Variants in PLCD4 observed in about 807,000 individuals in gnomAD.
The protein encoded by PLCD4 is 1-phosphatidylinositol 4,5-bisphosphate phosphodiesterase delta-4.
PLCD4 carries 63 observed loss-of-function variants against 90.2 expected under a neutral mutation model. That is an observed-to-expected ratio of 0.70 (90% CI 0.57 to 0.86). The LOEUF is 0.86. Among genes scored for constraint, PLCD4 ranks in the 40% least tolerant of loss-of-function variants. The pLI is 0.00. For synonymous variants in PLCD4, 294 were observed against 356.5 expected, an observed-to-expected ratio of 0.82 and a Z score of 1.97; for missense variants, 830 against 956.3, an observed-to-expected ratio of 0.87 and a Z score of 1.74.
chr2:218,619,207 C>T (rs541923235), intron 4 of PLCD4, among the ~76,000 whole-genome samples: 2 of 152,028 alleles, frequency 1.3e-5, no homozygotes, highest in East Asian at 1.9e-4. Flanking sequence ...TTCATTTATT[C>T]ATTCATTCAT....
At chr2:218,610,305 G>C (rs904758943) in intron 1 of PLCD4, among the ~76,000 whole-genome samples, 1 of 151,822 alleles carries the variant, frequency 6.6e-6, no homozygotes, top group Non-Finnish European at 1.5e-5. Context: ...TCAGGAGTTT[G>C]AGACCAGCCT....
intron 9 of PLCD4, 101 bp downstream of exon 9, chr2:218,630,903 C>G: frequency 1.6e-6 from 2 of 1,283,342 alleles, no homozygotes; most frequent in Non-Finnish European, 2.1e-6. Context: ...TCTTTCTATC[C>G]TCGGATGGAC....
chr2:218,627,664 C>G (rs923777215), intron 6 of PLCD4, among the ~76,000 whole-genome samples: 1 of 151,968 alleles, frequency 6.6e-6, no homozygotes. Flanking sequence ...AGGCGCCCAC[C>G]ACCGTGCCCG....
chr2:218,615,915 G>A lies in PLCD4; in HGVS notation c.34G>A (p.Asp12Asn), dbSNP rs1298030267. 2 of 1,614,048 alleles carry A rather than the reference G, an allele frequency of 1.2e-6. No individual in the cohort carries two copies. The highest frequency in any genetic ancestry group is 1.1e-5 in the South Asian group (1 of 91,080). The part of the protein sequence containing the change: ...ASLLQDQLTT[D>N]QDLLLMQEGM... ...TTTTCCTGACCTAGAGCTGACCACT[G>A]ATCAGGACTTGCTGCTGATGCAGGA... Residue 12 changes from aspartate to asparagine, a missense_variant, in exon 3 of 16, where the codon GAT becomes AAT. Transcript: ENST00000450993.
At chr2:218,621,626 C>T (rs369778322) in intron 5 of PLCD4, 27 bp downstream of exon 5, 11 of 1,612,184 alleles carry the variant, frequency 6.8e-6, no homozygotes, top group Middle Eastern at 1.6e-4. Context: ...GGATTTCCAG[C>T]GGCCAACCAG....
Position 218,621,457 on chromosome 2 carries a change from G to T in PLCD4, c.411-13G>T, listed in dbSNP as rs771290198. On this transcript the variant is annotated splice_polypyrimidine_tract_variant and intron_variant, in intron 4 of 15. Coordinates refer to ENST00000450993, the MANE Select transcript of PLCD4 (RefSeq NM_032726.4). Reference sequence around the variant, plus strand: ...ACAGATACATTAGTGCTTTTGCCTTGACTCATACCTGGATGGCTGAGCGAT... The same window carrying T: ...ACAGATACATTAGTGCTTTTGCCTTTACTCATACCTGGATGGCTGAGCGAT... The T allele has an allele frequency of 6.8e-6, 11 of 1,613,734 alleles. No homozygotes were observed. In the East Asian group the frequency reaches 2.0e-4, roughly 29 times the overall value.
intron 3 of PLCD4, among the ~76,000 whole-genome samples, chr2:218,617,624 T>C (rs1192195412): frequency 2.0e-5 from 3 of 152,016 alleles, no homozygotes. Flanking sequence ...TGTGCACTTA[T>C]TGGCCAAACT....
intron 2 of PLCD4, 31 bp downstream of exon 2, chr2:218,615,792 G>C: frequency 2.5e-6 from 4 of 1,603,108 alleles, no homozygotes; most frequent in Non-Finnish European, 3.4e-6. Context: ...AGGGGAAGAG[G>C]CCTTAGTGTA....
intron 1 of PLCD4, 59 bp from the exon 2 acceptor site, chr2:218,615,648 C>T (rs1695541634): frequency 7.0e-7 from 1 of 1,422,264 alleles, no homozygotes; most frequent in African/African-American, 1.4e-5. Flanking sequence ...AAGCAAAAAT[C>T]AGCTACAGAC....
chr2:218,622,619 T>C (rs13011342), intron 5 of PLCD4, 28 bp from the exon 6 acceptor site: 54,761 of 1,501,908 alleles, frequency 0.036, 1,201 homozygotes, highest in East Asian at 0.11. Flanking sequence ...AAAAGTTTCA[T>C]TCACTCTCCC....
rs1696323495 is a variant in PLCD4 at position 218,630,718 on chromosome 2, C to T, written c.1188C>T (p.Ala396=). The T allele has an allele frequency of 6.2e-7, 1 of 1,613,882 alleles. No individual in the cohort carries two copies. Among genetic ancestry groups the T allele is most frequent in the African/African-American group, 1.3e-5 (1 of 74,918 alleles). Residue 396 remains alanine (A), a synonymous_variant, in exon 9 of 16, where the codon GCC becomes GCT. Transcript: ENST00000450993. The stretch of plus-strand genomic sequence containing the variant: ...GCTGGGAGCAGCAGCAGACCATGGC[C>T]CGTCATCTGACTGAGATCCTGGGGG... ...HCSWEQQQTM[A]RHLTEILGEQ... is the part of the protein sequence containing the mutation.
At position 218,615,770 on chromosome 2, in the gene PLCD4, C is replaced by CG; in HGVS notation, c.22+13dup. The CG allele has an allele frequency of 6.2e-7, 1 of 1,605,596 alleles. No individual in the cohort carries two copies. The highest frequency in any genetic ancestry group is 8.5e-7 in the Non-Finnish European group (1 of 1,175,924). On this transcript the variant is annotated intron_variant, in intron 2 of 15. Coordinates refer to ENST00000450993, the MANE Select transcript of PLCD4 (RefSeq NM_032726.4). ...GTCCCTGCTGCAAGACCGTGAGTGC[C>CG]GGGGCCCCTGCAGGGGAAGAGGCCT...
intron 1 of PLCD4, among the ~76,000 whole-genome samples, chr2:218,611,346 T>C (rs1212664793): frequency 6.6e-6 from 1 of 152,136 alleles, no homozygotes; most frequent in East Asian, 1.9e-4. Context: ...GTCTCCAAAG[T>C]AAGGGTGTTC....
At chr2:218,608,901 G>A (rs1346169231) in intron 1 of PLCD4, among the ~76,000 whole-genome samples, 1 of 152,032 alleles carries the variant, frequency 6.6e-6, no homozygotes, top group Non-Finnish European at 1.5e-5. Context: ...CACTTTGGGA[G>A]GCCGAGGCGG....
intron 3 of PLCD4, among the ~76,000 whole-genome samples, chr2:218,617,444 G>T (rs1295146833): frequency 6.6e-6 from 1 of 151,454 alleles, no homozygotes; most frequent in Non-Finnish European, 1.5e-5. Context: ...GGGCTTGGTG[G>T]CGCGCACCTG....
Position 218,630,773 on chromosome 2 carries a change from GT to G in PLCD4, c.1244del (p.Val415GlyfsTer18), listed in dbSNP as rs758439772. 1 of 1,613,772 alleles carries G rather than the reference GT, an allele frequency of 6.2e-7. No individual in the cohort carries two copies. The highest frequency in any genetic ancestry group is 1.1e-5 in the South Asian group (1 of 91,024). On this transcript the variant is annotated frameshift_variant, in exon 9 of 16. Transcript: ENST00000450993. LOFTEE classifies it high-confidence loss of function. ...GCTGCTGAGCACCACCTTGGATGGG[GT>G]GCTGCCCACTCAGCTGCCCTCGCCT... is the stretch of plus-strand genomic sequence containing the variant. ...EQLLSTTLDG[V>X]LPTQLPSPEE...
chr2:218,630,872 CTA>C lies in PLCD4; in HGVS notation c.1272+72_1272+73del. The C allele has an allele frequency of 2.7e-6, 4 of 1,460,042 alleles. No individual in the cohort carries two copies. In the South Asian group the frequency reaches 5.5e-5, roughly 20 times the overall value. 90.4% of individuals were successfully genotyped at this position (1,460,042 alleles called of 1,614,324 possible). ...GATTCCGCCACCTGGGCTCCTTCCT[CTA>C]TGCCCCTCTTTGTTCCCTTCTTTCT... On this transcript the variant is annotated intron_variant, in intron 9 of 15. Coordinates refer to ENST00000450993, the MANE Select transcript of PLCD4 (RefSeq NM_032726.4).
intron 1 of PLCD4, among the ~76,000 whole-genome samples, chr2:218,613,306 G>A (rs1168004624): frequency 2.0e-5 from 3 of 149,534 alleles, no homozygotes; most frequent in East Asian, 4.0e-4. Context: ...CAGGACAGTC[G>A]CTTGAACCCG....
In PLCD4 at chr2:218,616,006, A is replaced by G; in HGVS notation, c.125A>G (p.Asn42Ser). Reference sequence around the variant, plus strand: ...AAGCTAAGATACTTCAGACTTCAGAATGACGGCATGACAGTCTGGCATGCA... The same window carrying G: ...AAGCTAAGATACTTCAGACTTCAGAGTGACGGCATGACAGTCTGGCATGCA... ...WKKLRYFRLQ[N>S]DGMTVWHARQ... is the part of the protein sequence containing the mutation. Residue 42 changes from asparagine (N) to serine (S), a missense_variant, in exon 3 of 16, where the codon AAT becomes AGT. Coordinates refer to ENST00000450993, the MANE Select transcript of PLCD4 (RefSeq NM_032726.4). 6.2e-7 allele frequency: 1 copy of G among 1,614,034 alleles called. No individual in the cohort carries two copies. The highest frequency in any genetic ancestry group is 8.5e-7 in the Non-Finnish European group (1 of 1,179,890).
Sources: gnomAD v4.1 joint callset for allele counts (sites outside exome capture counted in the v4.1 genomes callset) on GRCh38, gnomAD v4.1.1 for gene constraint, MANE v1.5 for transcripts, NCBI Gene and HGNC (gene_info 2026-07-23, HGNC 2026-07-21) for gene names.